The following GDI2 variants were observed in gnomAD, a reference collection of about 807,000 sequenced individuals.
GDI2 encodes the protein rab GDP dissociation inhibitor beta.
Under a neutral mutation model 54.2 loss-of-function variants are expected in GDI2, and 22 were observed. The ratio of observed to expected loss-of-function variants is 0.41; its 90% CI spans 0.29 to 0.58. The LOEUF (loss-of-function observed/expected upper bound fraction) is 0.58, where lower values mean the gene tolerates loss of function less well. Among genes scored for constraint, GDI2 ranks in the 20% least tolerant of loss-of-function variants. The pLI, the probability that GDI2 is intolerant of heterozygous loss-of-function variation, is 0.35. For synonymous variants in GDI2, 177 were observed against 182.1 expected, an observed-to-expected ratio of 0.97 and a Z score of 0.23; for missense variants, 422 against 546.0, an observed-to-expected ratio of 0.77 and a Z score of 2.26.
intron 7 of GDI2, among the ~76,000 whole-genome samples, chr10:5,773,228 T>C (rs1840539395): frequency 6.6e-6 from 1 of 152,232 alleles, no homozygotes; most frequent in African/African-American, 2.4e-5. Flanking sequence ...CTTAGATTTT[T>C]AGAATTCCAG....
rs751268014 is a variant in GDI2 at position 5,774,897 on chromosome 10, G to GAAGGGCAAGGGC, written c.720-968_720-957dup. Among the ~76,000 whole-genome samples, 22 of 152,150 alleles carry GAAGGGCAAGGGC rather than the reference G, an allele frequency of 1.4e-4. No individual in the cohort carries two copies. Among genetic ancestry groups the GAAGGGCAAGGGC allele is most frequent in the Non-Finnish European group, 1.2e-4 (8 of 68,032 alleles). On this transcript the variant is annotated intron_variant, in intron 6 of 10. Coordinates refer to ENST00000380191, the MANE Select transcript of GDI2 (RefSeq NM_001494.4). This position sits in a 1 kb window ranked among gnomAD's most constrained non-coding sequence, Gnocchi z 4.8. The stretch of plus-strand genomic sequence containing the variant: ...TCTGGATTCACACCCAGGGGAAGGG[G>GAAGGGCAAGGGC]AAGGGCAAGGGCAAGGGCAAGGCCA...
intron 4 of GDI2, among the ~76,000 whole-genome samples, chr10:5,787,647 T>G (rs1840910165): frequency 6.6e-6 from 1 of 152,254 alleles, no homozygotes; most frequent in African/African-American, 2.4e-5. Flanking sequence ...AATATCCTAT[T>G]ACCACATCAG....
chr10:5,771,867 A>T (rs1302988630), intron 7 of GDI2, among the ~76,000 whole-genome samples: 1 of 152,180 alleles, frequency 6.6e-6, no homozygotes. Context: ...CGAGGCAGGC[A>T]GATCACGAGG....
In GDI2 at chr10:5,780,244, A is replaced by G. The variant is rs183481681; in HGVS notation, c.719+4898T>C. Among the ~76,000 whole-genome samples, 54 of 151,354 alleles carry G rather than the reference A, an allele frequency of 3.6e-4. 2 individuals carry two copies. The East Asian group carries it at 7.5e-3, about 21-fold the overall frequency. On this transcript the variant is annotated intron_variant, in intron 6 of 10. Transcript: ENST00000380191. ...AACAAACAAACAAACAAACAAAAAA[A>G]CAGACCAAACTATAAATATAAGTGA...
At chr10:5,787,145 T>TA (rs1840897808) in intron 4 of GDI2, among the ~76,000 whole-genome samples, 1 of 152,226 alleles carries the variant, frequency 6.6e-6, no homozygotes, top group Non-Finnish European at 1.5e-5. Flanking sequence ...ATTGACAGCT[T>TA]AATGTTTTGA....
intron 5 of GDI2, among the ~76,000 whole-genome samples, 162 bp from the exon 6 acceptor site, chr10:5,785,435 T>C (rs907138910): frequency 6.6e-6 from 1 of 152,240 alleles, no homozygotes; most frequent in Middle Eastern, 3.4e-3. Flanking sequence ...AGTGCAGTGG[T>C]GCAATCTCGG....
chr10:5,794,393 C>T (rs1242626382), intron 4 of GDI2, among the ~76,000 whole-genome samples: 1 of 151,262 alleles, frequency 6.6e-6, no homozygotes, highest in Non-Finnish European at 1.5e-5. Flanking sequence ...GGCTCTGGAG[C>T]CACACTACCA....
intron 4 of GDI2, among the ~76,000 whole-genome samples, chr10:5,791,524 G>A (rs964044558): frequency 3.3e-5 from 5 of 152,108 alleles, no homozygotes; most frequent in Non-Finnish European, 5.9e-5. Flanking sequence ...AAGGCGGACG[G>A]ATCATCTGAG....
chr10:5,766,595 T>G lies in GDI2; in HGVS notation c.1035A>C (p.Ala345=). Residue 345 remains alanine (A), a synonymous_variant, in exon 9 of 11, where the codon GCA becomes GCC. Transcript: ENST00000380191. This position sits in a 1 kb window ranked among gnomAD's most constrained non-coding sequence, Gnocchi z 5.8. ...TAACTATAGCAATGTACTTCCCTTG[T>G]GCTGCTACATTGTGCGCAAAGGAGA... ...CMISFAHNVA[A]QGKYIAIVST... is the part of the protein sequence containing the mutation. 1.2e-6 allele frequency: 2 copies of G among 1,612,762 alleles called. No homozygotes were observed. The highest frequency in any genetic ancestry group is 1.7e-6 in the Non-Finnish European group (2 of 1,178,726).
At chr10:5,806,549 T>C (rs910503884) in intron 1 of GDI2, among the ~76,000 whole-genome samples, 4 of 152,190 alleles carry the variant, frequency 2.6e-5, no homozygotes, top group Admixed American at 2.6e-4. Context: ...ATACTATATA[T>C]AAATCCTTTA....
Position 5,768,263 on chromosome 10 carries a change from G to A in GDI2, c.941C>T (p.Ala314Val). The change falls in exon 8 of 11, where the codon GCC becomes GTC. Residue 314 changes from alanine to valine, a missense_variant. Coordinates refer to ENST00000380191, the MANE Select transcript of GDI2 (RefSeq NM_001494.4). This position sits in a 1 kb window ranked among gnomAD's most constrained non-coding sequence, Gnocchi z 4.4. ...TGGAATAATGATCTGGCAGGAGTTG[G>A]CATCATTGGTGTTCTTGATGGGGTG... Reference protein sequence around the residue: ...LSHPIKNTNDANSCQIIIPQN... With the variant: ...LSHPIKNTNDVNSCQIIIPQN... The A allele has an allele frequency of 1.2e-6, 2 of 1,612,222 alleles. No individual in the cohort carries two copies. Among genetic ancestry groups the A allele is most frequent in the Non-Finnish European group, 1.7e-6 (2 of 1,178,220 alleles).
At chr10:5,773,818 T>G (rs757987130) in intron 7 of GDI2, 24 bp downstream of exon 7, 1 of 984,656 alleles carries the variant, frequency 1.0e-6, no homozygotes, top group Admixed American at 1.9e-5. Flanking sequence ...CATAGTAATT[T>G]TTTTCATTTT....
intron 4 of GDI2, among the ~76,000 whole-genome samples, chr10:5,792,343 G>A (rs1841036958): frequency 6.6e-6 from 1 of 152,184 alleles, no homozygotes; most frequent in South Asian, 2.1e-4. Context: ...TGTAAAGTTA[G>A]ATAATACACA....
chr10:5,768,377 C>T lies in GDI2; in HGVS notation c.827G>A (p.Arg276His), dbSNP rs753880928. Residue 276 changes from arginine (R) to histidine (H), a missense_variant, in exon 8 of 11, where the codon CGC becomes CAC. By Grantham distance (29) the Arg-to-His change is conservative. Coordinates refer to ENST00000380191, the MANE Select transcript of GDI2 (RefSeq NM_001494.4). This position sits in a 1 kb window ranked among gnomAD's most constrained non-coding sequence, Gnocchi z 4.4. The part of the protein sequence containing the change: ...IGVKSEGEIA[R>H]CKQLICDPSY... ...GGGGTCACAGATGAGCTGCTTACAG[C>T]GAGCAATCTATAACAAAGCATTTAA... The T allele has an allele frequency of 1.6e-5, 25 of 1,608,962 alleles. No homozygotes were observed. In the East Asian group the frequency reaches 2.7e-4, roughly 17 times the overall value.
intron 2 of GDI2, among the ~76,000 whole-genome samples, chr10:5,797,742 G>A (rs1055929738): frequency 1.2e-3 from 178 of 152,090 alleles, no homozygotes; most frequent in African/African-American, 4.0e-3. Flanking sequence ...TCCATCTCAA[G>A]AAATAAATAA....
intron 1 of GDI2, among the ~76,000 whole-genome samples, chr10:5,803,487 ATTAT>A (rs1326191919): frequency 2.0e-5 from 3 of 152,222 alleles, no homozygotes; most frequent in African/African-American, 7.2e-5. Flanking sequence ...TAATCGGTTT[ATTAT>A]TTGTCAGTGA....
In GDI2 at chr10:5,794,186, AAAATATATATATATATATATATATATAT is replaced by A. The variant is rs1414579756; in HGVS notation, c.388+671_388+698del. ...TGTCTTTAAAAGAAAAAAAAAAAAA[AAAATATATATATATATATATATATATAT>A]ATATATATATATATATATAAAACTC... On this transcript the variant is annotated intron_variant, in intron 4 of 10. Transcript: ENST00000380191. Among the ~76,000 whole-genome samples the A allele has an allele frequency of 6.0e-4, 28 of 46,670 alleles. 6 individuals carry two copies. The highest frequency in any genetic ancestry group is 8.8e-3 in the Middle Eastern group (1 of 114). The allele number at this position is 46,670 out of a possible 152,430, so 30.6% of individuals were successfully genotyped here.
Position 5,797,825 on chromosome 10 carries a change from AC to A in GDI2, c.154-964del, listed in dbSNP as rs1841181951. The stretch of plus-strand genomic sequence containing the variant: ...ACTGTATATGCAGAACTAGGGTGTC[AC>A]TGACAAATAGCAATCATCTAAATTC... On this transcript the variant is annotated intron_variant, in intron 2 of 10. Transcript: ENST00000380191. Among the ~76,000 whole-genome samples the A allele has an allele frequency of 4.6e-5, 7 of 152,344 alleles. No individual in the cohort carries two copies. In the South Asian group the frequency reaches 1.5e-3, roughly 32 times the overall value.
chr10:5,766,424 C>G lies in GDI2; in HGVS notation c.1136+70G>C. The G allele has an allele frequency of 6.4e-7, 1 of 1,566,734 alleles. No individual in the cohort carries two copies. On this transcript the variant is annotated intron_variant, in intron 9 of 10. Coordinates refer to ENST00000380191, the MANE Select transcript of GDI2 (RefSeq NM_001494.4). This position sits in a 1 kb window ranked among gnomAD's most constrained non-coding sequence, Gnocchi z 5.8. ...CAGCTACCTGCCTTGCCCTCACATT[C>G]GTCCCACCATGGAGCCACAATCAAA...
Sources: allele counts gnomAD v4.1 joint callset (sites outside exome capture counted in the v4.1 genomes callset), GRCh38; gene constraint gnomAD v4.1.1; non-coding constraint Gnocchi (gnomAD v3.1); transcripts MANE v1.5; gene names NCBI Gene and HGNC (gene_info 2026-07-23, HGNC 2026-07-21).